CSMD1: variants seen among roughly 807,000 people sequenced by gnomAD.
CSMD1 encodes the protein CUB and Sushi multiple domains 1, also known as CUB and sushi domain-containing protein 1.
Under a neutral mutation model 417.5 loss-of-function variants are expected in CSMD1, and 213 were observed. The observed-to-expected ratio is 0.51, with a 90% CI of 0.46 to 0.57. The LOEUF (loss-of-function observed/expected upper bound fraction) is 0.57. Among genes scored for constraint, CSMD1 ranks in the 20% least tolerant of loss-of-function variants. The probability of loss-of-function intolerance (pLI) is 0.00; values close to 1 mark genes in which losing one functional copy is unlikely to be tolerated. For missense variants in CSMD1, 6,923 were observed against 4,529.7 expected, an observed-to-expected ratio of 1.53 and a Z score of -15.17; for synonymous variants, 2,862 against 1,736.8, an observed-to-expected ratio of 1.65 and a Z score of -16.11.
At chr8:3,993,487 AGTTTT>A (rs1333722681) in intron 5 of CSMD1, among the ~76,000 whole-genome samples, 1 of 152,184 alleles carries the variant, frequency 6.6e-6, no homozygotes, top group African/African-American at 2.4e-5. Flanking sequence ...ATTTCTCTGA[AGTTTT>A]GTTTTAACTT....
chr8:4,653,848 TGAA>T (rs1269505647), intron 1 of CSMD1, among the ~76,000 whole-genome samples: 1 of 152,176 alleles, frequency 6.6e-6, no homozygotes, highest in Non-Finnish European at 1.5e-5. Flanking sequence ...TTTAGGATTC[TGAA>T]GAAGACATGC....
At chr8:4,261,098 T>A (rs1585117109) in intron 3 of CSMD1, among the ~76,000 whole-genome samples, 1 of 152,218 alleles carries the variant, frequency 6.6e-6, no homozygotes, top group Non-Finnish European at 1.5e-5. Context: ...AATTTTTCTA[T>A]GTGTCATTTA....
intron 3 of CSMD1, among the ~76,000 whole-genome samples, chr8:4,164,311 T>C (rs1232443542): frequency 2.0e-5 from 3 of 152,188 alleles, no homozygotes; most frequent in Non-Finnish European, 2.9e-5. Flanking sequence ...ATAGAATCCA[T>C]CTACATTTAA....
intron 12 of CSMD1, among the ~76,000 whole-genome samples, chr8:3,448,709 C>T (rs990356303): frequency 2.0e-5 from 3 of 152,076 alleles, no homozygotes; most frequent in African/African-American, 7.2e-5. Flanking sequence ...CATCGAGAGT[C>T]CTCTAGGCTG....
chr8:4,292,440 G>A (rs1191774932), intron 3 of CSMD1, among the ~76,000 whole-genome samples: 4 of 152,016 alleles, frequency 2.6e-5, no homozygotes, highest in Non-Finnish European at 4.4e-5. Flanking sequence ...TTTTAATACA[G>A]ACGGAATTTC....
rs201814026 is a variant in CSMD1 at position 2,998,074 on chromosome 8, C to T, written c.8314G>A (p.Gly2772Ser). 2.4e-4 allele frequency: 383 copies of T among 1,613,978 alleles called. No homozygotes were observed. Among genetic ancestry groups the T allele is most frequent in the Non-Finnish European group, 3.1e-4 (366 of 1,179,880 alleles). ...CTCCGACACTGGGCTCGAGACACGC[C>T]CTGCAGCAAATAGCCCGTGTTGCAG... ...FTCNTGYLLQ[G>S]VSRAQCRSNG... Residue 2772 changes from glycine (G) to serine (S), a missense_variant, in exon 54 of 70, where the codon GGC becomes AGC. Physicochemically the swap from Gly to Ser is moderately conservative, Grantham distance 56. Transcript: ENST00000635120.
At chr8:3,398,995 C>T (rs995535301) in intron 16 of CSMD1, among the ~76,000 whole-genome samples, 4 of 152,146 alleles carry the variant, frequency 2.6e-5, no homozygotes, top group African/African-American at 9.7e-5. Context: ...GACCAGCAGC[C>T]ACCACCAGAA....
intron 49 of CSMD1, among the ~76,000 whole-genome samples, chr8:3,081,478 GT>G (rs1814092786): frequency 6.6e-6 from 1 of 151,952 alleles, no homozygotes; most frequent in Non-Finnish European, 1.5e-5. Flanking sequence ...TTTTTTTACA[GT>G]TTTCAAATAA....
chr8:3,336,173 C>A (rs1404099281), intron 23 of CSMD1, among the ~76,000 whole-genome samples: 1 of 152,048 alleles, frequency 6.6e-6, no homozygotes, highest in Non-Finnish European at 1.5e-5. Flanking sequence ...AAAATAGTAA[C>A]TGTGGGGTTT....
chr8:3,305,813 G>C (rs1246423597), intron 25 of CSMD1, among the ~76,000 whole-genome samples: 1 of 152,076 alleles, frequency 6.6e-6, no homozygotes, highest in Non-Finnish European at 1.5e-5. Context: ...CCGAGTAGCT[G>C]GGACTACAGG....
intron 2 of CSMD1, among the ~76,000 whole-genome samples, chr8:4,609,791 C>G (rs928285851): frequency 6.6e-6 from 1 of 152,064 alleles, no homozygotes; most frequent in African/African-American, 2.4e-5. Context: ...CAAACAAATC[C>G]AGATTATGGT....
At chr8:4,453,964 G>A (rs985271161) in intron 2 of CSMD1, among the ~76,000 whole-genome samples, 13 of 151,530 alleles carry the variant, frequency 8.6e-5, no homozygotes, top group African/African-American at 2.4e-4. Context: ...TGGGACTACA[G>A]GCGCCCGCCA....
chr8:3,274,666 C>T (rs200368816), intron 26 of CSMD1, among the ~76,000 whole-genome samples: 9,716 of 152,070 alleles, frequency 0.064, 419 homozygotes, highest in Non-Finnish European at 0.086. Flanking sequence ...TGAATTGATC[C>T]CTTTACCATT....
chr8:4,580,583 C>G (rs1799367176), intron 2 of CSMD1, among the ~76,000 whole-genome samples: 1 of 152,128 alleles, frequency 6.6e-6, no homozygotes, highest in Non-Finnish European at 1.5e-5. Flanking sequence ...CTCCTTTCTC[C>G]TCTTCCATCT....
chr8:3,906,811 A>T (rs1808146150), intron 5 of CSMD1, among the ~76,000 whole-genome samples: 1 of 152,222 alleles, frequency 6.6e-6, no homozygotes, highest in African/African-American at 2.4e-5. Context: ...AATATATATG[A>T]ATACATAGGC....
chr8:4,421,639 G>A (rs1417143112), intron 2 of CSMD1, among the ~76,000 whole-genome samples: 1 of 151,994 alleles, frequency 6.6e-6, no homozygotes, highest in Non-Finnish European at 1.5e-5. Flanking sequence ...TAAACTGAAT[G>A]AAAATATAAA....
At chr8:3,944,451 G>A (rs1037560115) in intron 5 of CSMD1, among the ~76,000 whole-genome samples, 11 of 152,188 alleles carry the variant, frequency 7.2e-5, no homozygotes, top group Middle Eastern at 3.4e-3. Context: ...AGCCTTTCTA[G>A]TTTTGGTTTT....
In CSMD1 at chr8:4,898,373, C is replaced by T. The variant is rs371181021; in HGVS notation, c.85+95959G>A. On this transcript the variant is annotated intron_variant, in intron 1 of 69. Coordinates refer to ENST00000635120, the MANE Select transcript of CSMD1 (RefSeq NM_033225.6). ...GTTGCAATTTCTGTGTCACACCTGC[C>T]ATTTTTTTGCAGTCAAGTACTAGCA... 1.2e-3 allele frequency among the ~76,000 whole-genome samples: 185 copies of T among 150,566 alleles called. 1 individual carries two copies. Among genetic ancestry groups the T allele is most frequent in the African/African-American group, 4.2e-3 (168 of 40,224 alleles).
At chr8:3,186,748 A>G (rs556037694) in intron 36 of CSMD1, among the ~76,000 whole-genome samples, 4 of 152,340 alleles carry the variant, frequency 2.6e-5, no homozygotes, top group African/African-American at 9.6e-5. Flanking sequence ...GACAAATGGG[A>G]TAGAAGGAGT....
Sources: allele counts gnomAD v4.1 joint callset (sites outside exome capture counted in the v4.1 genomes callset), GRCh38; gene constraint gnomAD v4.1.1; transcripts MANE v1.5; gene names NCBI Gene and HGNC (gene_info 2026-07-23, HGNC 2026-07-21).